Variants in CDHR2 observed in about 807,000 individuals in gnomAD.
CDHR2 encodes the protein cadherin-related family member 2.
A neutral mutation model predicts 138.6 loss-of-function variants in CDHR2; 104 were observed. That is an observed-to-expected ratio of 0.75 (90% CI 0.64 to 0.88). The LOEUF is 0.88. Ranked by LOEUF, CDHR2 falls within the 40% of genes least tolerant of loss-of-function variation. CDHR2 has a pLI of 0.00. For missense variants in CDHR2, 1,624 were observed against 1,727.6 expected (o/e 0.94, Z 1.06); for synonymous variants, 755 against 742.8 (o/e 1.02, Z -0.27).
rs1471626752 is a variant in CDHR2, at chr5:176,591,270, G to A, written c.3600G>A (p.Gly1200=). 6.2e-6 allele frequency: 10 copies of A among 1,614,058 alleles called. No individual in the cohort carries two copies. The highest frequency in any genetic ancestry group is 8.5e-6 in the Non-Finnish European group (10 of 1,180,028). The part of the protein sequence containing the change: ...AAKEARKTAA[G]VMPSAPAIPG... ...AGGAGGCCAGGAAGACAGCAGCAGG[G>A]GTGATGCCCTCAGCCCCTGCCATCC... Residue 1200 remains glycine (G), a synonymous_variant, in exon 29 of 32, where the codon GGG becomes GGA. Coordinates refer to ENST00000261944, the MANE Select transcript of CDHR2 (RefSeq NM_017675.6).
upstream of CDHR2, among the ~76,000 whole-genome samples, chr5:176,548,922 C>G (rs1038598843): frequency 1.6e-4 from 24 of 152,286 alleles, no homozygotes; most frequent in East Asian, 5.8e-4. Context: ...AGGGGCTGGT[C>G]TGGCCACACA....
At chr5:176,595,278 C>T (rs1234414369) in intron 31 of CDHR2, among the ~76,000 whole-genome samples, 2 of 152,152 alleles carry the variant, frequency 1.3e-5, no homozygotes, top group Non-Finnish European at 2.9e-5. Context: ...GGCAGAGTGC[C>T]GCAGTGTTGG....
At chr5:176,573,031 C>G (rs186967002) in intron 6 of CDHR2, among the ~76,000 whole-genome samples, 1 of 152,310 alleles carries the variant, frequency 6.6e-6, no homozygotes, top group East Asian at 1.9e-4. Context: ...TCAGGAAAGG[C>G]CTCTCTGAGT....
chr5:176,595,885 A>C (rs1379481939), downstream of CDHR2: 5 of 447,152 alleles, frequency 1.1e-5, no homozygotes, highest in Admixed American at 8.3e-5. Context: ...CGGGACACTG[A>C]GTGGTCACAA....
At position 176,543,372 on chromosome 5, in the gene CDHR2, C is replaced by T. The variant is rs1036254241; in HGVS notation, c.-16+603C>T. ...GCGCGCCGCCTGCCGCGGCCCCTCT[C>T]CGGCCCGGTGCAGGGGAACCGTCCG... On this transcript the variant is annotated intron_variant, in intron 1 of 31. Coordinates refer to the CDHR2 transcript ENST00000510636. The surrounding 1 kb of genome is among the most constrained non-coding windows in gnomAD (Gnocchi z 4.0). Among the ~76,000 whole-genome samples, 1 of 149,654 alleles carries T rather than the reference C, an allele frequency of 6.7e-6. No individual in the cohort carries two copies. The highest frequency in any genetic ancestry group is 1.5e-5 in the Non-Finnish European group (1 of 66,956).
At chr5:176,572,929 T>C (rs189363750) in intron 6 of CDHR2, among the ~76,000 whole-genome samples, 255 of 152,162 alleles carry the variant, frequency 1.7e-3, no homozygotes, top group Non-Finnish European at 3.0e-3. Context: ...ATAAGCAGAA[T>C]GGATTTCAGA....
intron 1 of CDHR2, among the ~76,000 whole-genome samples, chr5:176,560,662 G>A (rs1209178035): frequency 1.1e-4 from 17 of 152,366 alleles, no homozygotes; most frequent in Non-Finnish European, 2.2e-4. Context: ...AACCTGCACT[G>A]TTTTGCTCAC....
At chr5:176,565,535 G>A in intron 2 of CDHR2, 131 bp downstream of exon 2, 1 of 1,203,038 alleles carries the variant, frequency 8.3e-7, no homozygotes, top group Non-Finnish European at 1.2e-6. Flanking sequence ...GGCTAAGCTG[G>A]GGAGGCCTGG....
chr5:176,567,251 T>C (rs1379507142), intron 3 of CDHR2: 1 of 239,960 alleles, frequency 4.2e-6, no homozygotes, highest in Non-Finnish European at 8.3e-6. Context: ...CACTTCAGCC[T>C]CGACCTCCTG....
chr5:176,559,150 C>T (rs10056770), intron 1 of CDHR2, among the ~76,000 whole-genome samples: 14,328 of 152,122 alleles, frequency 0.094, 1,241 homozygotes, highest in African/African-American at 0.23. Context: ...CCCAAGAGGC[C>T]CAGGTGTAAG....
At chr5:176,585,131 G>A in intron 19 of CDHR2, 116 bp downstream of exon 19, 1 of 1,272,800 alleles carries the variant, frequency 7.9e-7, no homozygotes, top group Non-Finnish European at 1.1e-6. Context: ...GCCCTTTCCA[G>A]CTGCAAATAC....
chr5:176,558,985 G>C (rs915819116), intron 1 of CDHR2, among the ~76,000 whole-genome samples: 1 of 152,220 alleles, frequency 6.6e-6, no homozygotes, highest in Non-Finnish European at 1.5e-5. Flanking sequence ...TTATGTAAAA[G>C]ATTAGCGGTT....
rs533553087 is a variant in CDHR2, at chr5:176,560,036, C to A, written c.-15-5302C>A. Among the ~76,000 whole-genome samples, 5 of 152,266 alleles carry A rather than the reference C, an allele frequency of 3.3e-5. No individual in the cohort carries two copies. The East Asian group carries it at 9.6e-4, about 29-fold the overall frequency. ...TGCTGTCTCTGGGAATTAGCCAGCC[C>A]TAGGAGGGAAGTCTCTCCCTAACCA... On this transcript the variant is annotated intron_variant, in intron 1 of 31. Coordinates refer to ENST00000261944, the MANE Select transcript of CDHR2 (RefSeq NM_017675.6).
chr5:176,594,812 G>A (rs1463464298), intron 31 of CDHR2, among the ~76,000 whole-genome samples: 2 of 152,238 alleles, frequency 1.3e-5, no homozygotes, highest in African/African-American at 4.8e-5. Flanking sequence ...GAGCAGCTGA[G>A]CTTGGGGGCC....
intron 12 of CDHR2, 89 bp from the exon 13 acceptor site, chr5:176,577,310 C>T (rs1329233332): frequency 1.9e-5 from 27 of 1,388,032 alleles, no homozygotes; most frequent in Middle Eastern, 2.4e-4. Context: ...TCGGGCGGGG[C>T]ATCCAGAGAT....
intron 17 of CDHR2, among the ~76,000 whole-genome samples, chr5:176,582,129 T>A (rs1272004713): frequency 3.3e-5 from 5 of 152,150 alleles, no homozygotes; most frequent in African/African-American, 1.2e-4. Context: ...CAAGCGATCC[T>A]CCTGCCTCAG....
chr5:176,574,289 C>CT lies in CDHR2; in HGVS notation c.495+118dup, dbSNP rs1758307238. On this transcript the variant is annotated intron_variant, in intron 7 of 31. Transcript: ENST00000261944. Reference sequence around the variant, plus strand: ...ACATTGGTCCTGCCTTGGCCCAGCCCTGGTCCCCAAACCGTCCTCTGGCCA... The same window carrying CT: ...ACATTGGTCCTGCCTTGGCCCAGCCCTTGGTCCCCAAACCGTCCTCTGGCCA... The CT allele has an allele frequency of 3.9e-6, 3 of 772,620 alleles. No homozygotes were observed. The African/African-American group carries it at 5.1e-5, about 13-fold the overall frequency. The allele number at this position is 772,620 out of a possible 1,614,324, so 47.9% of individuals were successfully genotyped here.
In CDHR2 at chr5:176,584,871, G is replaced by T. The variant is rs755194192; in HGVS notation, c.2590G>T (p.Gly864Cys). The T allele has an allele frequency of 6.2e-7, 1 of 1,614,164 alleles. No homozygotes were observed. Among genetic ancestry groups the T allele is most frequent in the Non-Finnish European group, 8.5e-7 (1 of 1,180,018 alleles). ...GGTCGATGTGGGCAGCCTATGCTGGGGCTGGTTCTCAGTGGCGGCCAACGG... is the reference window on the plus strand; with the variant it reads ...GGTCGATGTGGGCAGCCTATGCTGGTGCTGGTTCTCAGTGGCGGCCAACGG... ...AGVDVGSLCWGWFSVAANGSV... is the reference protein window; with the variant it reads ...AGVDVGSLCWCWFSVAANGSV... Residue 864 changes from glycine to cysteine, a missense_variant, in exon 19 of 32, where the codon GGC becomes TGC. Coordinates refer to ENST00000261944, the MANE Select transcript of CDHR2 (RefSeq NM_017675.6).
intron 1 of CDHR2, among the ~76,000 whole-genome samples, chr5:176,557,293 G>C (rs1452384410): frequency 6.6e-6 from 1 of 151,806 alleles, no homozygotes; most frequent in Non-Finnish European, 1.5e-5. Flanking sequence ...GCAGCCTCAA[G>C]CTCCTGGGCT....
Sources: gnomAD v4.1 joint callset for allele counts (sites outside exome capture counted in the v4.1 genomes callset) on GRCh38, gnomAD v4.1.1 for gene constraint, Gnocchi (gnomAD v3.1) non-coding constraint, MANE v1.5 for transcripts, NCBI Gene and HGNC (gene_info 2026-07-23, HGNC 2026-07-21) for gene names.